The following HDAC5 variants were observed in gnomAD, a reference collection of about 807,000 sequenced individuals.
HDAC5 encodes the protein histone deacetylase 5, also known as antigen NY-CO-9.
A neutral mutation model predicts 133.3 loss-of-function variants in HDAC5; 25 were observed. The ratio of observed to expected loss-of-function variants is 0.19; its 90% CI spans 0.14 to 0.26. HDAC5 has a LOEUF of 0.26. Among genes scored for constraint, HDAC5 ranks in the 10% least tolerant of loss-of-function variants. HDAC5 has a pLI of 1.00. For synonymous variants in HDAC5, 589 were observed against 610.8 expected, an observed-to-expected ratio of 0.96 and a Z score of 0.53; for missense variants, 1,041 against 1,460.5, an observed-to-expected ratio of 0.71 and a Z score of 4.68.
chr17:44,105,425 G>A (rs1351713543), intron 3 of HDAC5, among the ~76,000 whole-genome samples: 1 of 152,218 alleles, frequency 6.6e-6, no homozygotes, highest in Non-Finnish European at 1.5e-5. Context: ...TCCCAGTCCA[G>A]CCATTTCTAG....
chr17:44,102,025 T>G (rs1339362527), intron 3 of HDAC5, among the ~76,000 whole-genome samples: 9 of 152,108 alleles, frequency 5.9e-5, no homozygotes, highest in Admixed American at 3.3e-4. Context: ...AAACAAAGCC[T>G]CCTCTCACAA....
intron 1 of HDAC5, chr17:44,120,048 G>C (rs544822249): frequency 6.6e-6 from 1 of 152,592 alleles, no homozygotes; most frequent in African/African-American, 2.4e-5. Flanking sequence ...AGCCGGACAA[G>C]GATGAAGGAA....
rs1214327270 is a variant in HDAC5 at position 44,091,406 on chromosome 17, G to C, written c.1251C>G (p.Phe417Leu). Residue 417 changes from phenylalanine (F) to leucine (L), a missense_variant, in exon 11 of 27, where the codon TTC becomes TTG. Physicochemically the swap from Phe to Leu is conservative, Grantham distance 22. Around this residue, in one of 9 missense-constraint regions of HDAC5, gnomAD observed 433 missense variants for 531.6 expected, o/e 0.81. Transcript: ENST00000682912. ...AGCCAGGAATAGAGGATGTGCTCATGAACTTGCCGGTCAGCGTGCCACCCT... is the reference window on the plus strand; with the variant it reads ...AGCCAGGAATAGAGGATGTGCTCATCAACTTGCCGGTCAGCGTGCCACCCT... Reference protein sequence around the residue: ...LRQGGTLTGKFMSTSSIPGCL... With the variant: ...LRQGGTLTGKLMSTSSIPGCL... 6.4e-7 allele frequency: 1 copy of C among 1,565,872 alleles called. No individual in the cohort carries two copies. The highest frequency in any genetic ancestry group is 1.4e-5 in the African/African-American group (1 of 73,986).
At chr17:44,123,265 G>A (rs1598059732) in intron 1 of HDAC5, 1 of 306,048 alleles carries the variant, frequency 3.3e-6, no homozygotes, top group Non-Finnish European at 6.0e-6. Context: ...TGTAGGGAAG[G>A]CGCCCCTGTC....
intron 3 of HDAC5, among the ~76,000 whole-genome samples, chr17:44,098,181 C>G (rs1486200351): frequency 6.6e-6 from 1 of 152,240 alleles, no homozygotes; most frequent in East Asian, 1.9e-4. Flanking sequence ...TGAATAGAGT[C>G]TGCCCAGGCA....
chr17:44,114,443 G>T (rs370245513), intron 2 of HDAC5, among the ~76,000 whole-genome samples: 8 of 152,288 alleles, frequency 5.3e-5, no homozygotes, highest in Middle Eastern at 3.4e-3. Context: ...GGCGTGGGGG[G>T]GGGGGGCTGC....
At position 44,080,058 on chromosome 17, in the gene HDAC5, C is replaced by G. The variant is rs375024086; in HGVS notation, c.2944+49G>C. On this transcript the variant is annotated intron_variant, in intron 23 of 26. Coordinates refer to ENST00000682912, the MANE Select transcript of HDAC5 (RefSeq NM_005474.5). ...TCCCTGCCCCATGCCTCACTGGACT[C>G]GATATCCTCACTGTTTCACTTCCTC... is the stretch of plus-strand genomic sequence containing the variant. 6 of 1,327,848 alleles carry G rather than the reference C, an allele frequency of 4.5e-6. No individual in the cohort carries two copies. The East Asian group carries it at 1.4e-4, about 31-fold the overall frequency. The allele number at this position is 1,327,848 out of a possible 1,614,324, so 82.3% of individuals were successfully genotyped here. A position where few individuals can be genotyped will look rare whatever the true frequency, so the allele number is the denominator to read the frequency against.
Position 44,091,817 on chromosome 17 carries a change from G to C in HDAC5, c.1047C>G (p.His349Gln). The stretch of plus-strand genomic sequence containing the variant: ...GGGAGCTGTCCAGAGGGAGGGCTCG[G>C]TGCTGAGGGAGCATCTGGGGAGCAG... Reference protein sequence around the residue: ...PNIPTEMLPQHRALPLDSSPN... With the variant: ...PNIPTEMLPQQRALPLDSSPN... The change falls in exon 10 of 27, where the codon CAC becomes CAG. Residue 349 changes from histidine (H) to glutamine (Q), a missense_variant. By Grantham distance (24) the His-to-Gln change is conservative (BLOSUM62 0). This residue lies in a region of HDAC5 where 433 missense variants were observed against 531.6 expected (regional missense o/e 0.81). Coordinates refer to ENST00000682912, the MANE Select transcript of HDAC5 (RefSeq NM_005474.5). The C allele has an allele frequency of 6.4e-7, 1 of 1,570,374 alleles. No individual in the cohort carries two copies. Among genetic ancestry groups the C allele is most frequent in the Non-Finnish European group, 8.6e-7 (1 of 1,160,754 alleles).
intron 1 of HDAC5, among the ~76,000 whole-genome samples, chr17:44,119,233 C>T (rs1033162233): frequency 6.6e-6 from 1 of 152,222 alleles, no homozygotes; most frequent in African/African-American, 2.4e-5. Context: ...CGTGGGCAGG[C>T]AGTTCAGCCT....
In HDAC5 at chr17:44,107,603, G is replaced by A. The variant is rs1184671306; in HGVS notation, c.94+3126C>T. Among the ~76,000 whole-genome samples the A allele has an allele frequency of 2.3e-4, 18 of 77,018 alleles. 1 individual carries two copies. The highest frequency in any genetic ancestry group is 4.8e-4 in the South Asian group (1 of 2,094). 50.5% of individuals were successfully genotyped at this position (77,018 alleles called of 152,430 possible). ...AGCCTGGGCAAAAGAGGGAGACTCC[G>A]TATCAAAAAAAAAAAAAAAAAAAAA... On this transcript the variant is annotated intron_variant, in intron 3 of 26. Transcript: ENST00000682912.
In HDAC5 at chr17:44,117,098, G is replaced by A. The variant is rs748036496; in HGVS notation, c.22+396C>T. On this transcript the variant is annotated intron_variant, in intron 2 of 26. Coordinates refer to ENST00000682912, the MANE Select transcript of HDAC5 (RefSeq NM_005474.5). This position sits in a 1 kb window ranked among gnomAD's most constrained non-coding sequence, Gnocchi z 4.2. ...CACTAAGTAAAGAAGCCACCATCAC[G>A]AAAAGGAAGCTGAGCATTCTGCTAT... is the stretch of plus-strand genomic sequence containing the variant. 9.8e-5 allele frequency among the ~76,000 whole-genome samples: 15 copies of A among 152,328 alleles called. No individual in the cohort carries two copies. Among genetic ancestry groups the A allele is most frequent in the East Asian group, 1.9e-4 (1 of 5,180 alleles).
intron 25 of HDAC5, 40 bp downstream of exon 25, chr17:44,078,755 C>T (rs1567977154): frequency 1.2e-6 from 2 of 1,611,836 alleles, no homozygotes; most frequent in Non-Finnish European, 1.7e-6. Context: ...AGCTCCGTGC[C>T]CCCTTGGCAG....
At chr17:44,087,363 A>T (rs770503334) in intron 13 of HDAC5, 49 bp downstream of exon 13, 2 of 723,612 alleles carry the variant, frequency 2.8e-6, no homozygotes, top group South Asian at 3.1e-5. Flanking sequence ...AGGGGTGGAG[A>T]AGGACAGAGG....
chr17:44,099,800 G>A (rs538650829), intron 3 of HDAC5, among the ~76,000 whole-genome samples: 25 of 152,248 alleles, frequency 1.6e-4, no homozygotes, highest in Admixed American at 7.8e-4. Context: ...CTAGCCATGC[G>A]AGGGGCTGGA....
chr17:44,086,357 G>C (rs1327401712), intron 14 of HDAC5, among the ~76,000 whole-genome samples: 4 of 152,208 alleles, frequency 2.6e-5, no homozygotes, highest in Non-Finnish European at 4.4e-5. Flanking sequence ...CTTCAGCGGG[G>C]TGAGAAAGAC....
At chr17:44,085,322 C>G (rs1313150171) in intron 14 of HDAC5, 167 bp from the exon 15 acceptor site, 4 of 497,552 alleles carry the variant, frequency 8.0e-6, no homozygotes, top group African/African-American at 6.0e-5. Context: ...CCTCTCCTCT[C>G]CAGCTTTTTT....
chr17:44,119,204 G>C (rs970291198), intron 1 of HDAC5, among the ~76,000 whole-genome samples: 2 of 152,236 alleles, frequency 1.3e-5, no homozygotes, highest in Non-Finnish European at 2.9e-5. Flanking sequence ...TAGGGCTGCT[G>C]GTGCTCTGGC....
intron 3 of HDAC5, among the ~76,000 whole-genome samples, chr17:44,108,861 A>G (rs2052159555): frequency 4.0e-5 from 6 of 151,182 alleles, no homozygotes; most frequent in Admixed American, 4.0e-4. Context: ...CAGGGGGAAC[A>G]TTCTTAGCCC....
intron 3 of HDAC5, among the ~76,000 whole-genome samples, chr17:44,100,008 G>A (rs1314811339): frequency 6.6e-6 from 1 of 152,164 alleles, no homozygotes; most frequent in African/African-American, 2.4e-5. Context: ...CTCTGGGGGA[G>A]ATGATGTAGG....
Sources: allele counts gnomAD v4.1 joint callset (sites outside exome capture counted in the v4.1 genomes callset), GRCh38; gene constraint gnomAD v4.1.1; regional missense constraint gnomAD v4.1.1; non-coding constraint Gnocchi (gnomAD v3.1); transcripts MANE v1.5; gene names NCBI Gene and HGNC (gene_info 2026-07-23, HGNC 2026-07-21).